The following PCDHGB4 variants were observed in gnomAD, a reference collection of about 807,000 sequenced individuals.
PCDHGB4 encodes the protein protocadherin gamma-B4.
PCDHGB4 carries 38 observed loss-of-function variants against 60.5 expected under a neutral mutation model. That is an observed-to-expected ratio of 0.63 (90% CI 0.48 to 0.82). The LOEUF (loss-of-function observed/expected upper bound fraction) is 0.82. Among genes scored for constraint, PCDHGB4 ranks in the 40% least tolerant of loss-of-function variants. The pLI, the probability that PCDHGB4 is intolerant of heterozygous loss-of-function variation, is 0.00. For synonymous variants in PCDHGB4, 456 were observed against 509.7 expected (o/e 0.89, Z 1.42); for missense variants, 1,109 against 1,209.6 (o/e 0.92, Z 1.23).
At chr5:141,401,728 T>G (rs1476616709) in intron 1 of PCDHGB4, among the ~76,000 whole-genome samples, 2 of 152,174 alleles carry the variant, frequency 1.3e-5, no homozygotes, top group Non-Finnish European at 2.9e-5. Context: ...AAACTACTAG[T>G]CTTGTGTACA....
Position 141,493,836 on chromosome 5 carries a change from A to G in PCDHGB4, c.2398-971A>G, listed in dbSNP as rs1411929024. Among the ~76,000 whole-genome samples the G allele has an allele frequency of 6.6e-6, 1 of 152,194 alleles. No individual in the cohort carries two copies. Among genetic ancestry groups the G allele is most frequent in the Non-Finnish European group, 1.5e-5 (1 of 68,038 alleles). On this transcript the variant is annotated intron_variant, in intron 1 of 3. Transcript: ENST00000519479. This position sits in a 1 kb window ranked among gnomAD's most constrained non-coding sequence, Gnocchi z 4.3. ...ACACTCTCTGCTTCTGGGAGCAAGT[A>G]TGAGTATTAATTACCAGCCCACCCC...
intron 1 of PCDHGB4, chr5:141,414,780 G>A (rs2095787223): frequency 1.2e-6 from 2 of 1,614,232 alleles, no homozygotes; most frequent in Non-Finnish European, 1.7e-6. Context: ...TACAGATGCA[G>A]GTGACAGCCA....
chr5:141,478,726 G>A, intron 1 of PCDHGB4: 2 of 1,540,996 alleles, frequency 1.3e-6, no homozygotes, highest in Non-Finnish European at 1.8e-6. Context: ...GCCTGCCAGA[G>A]TGTGGTTTGT....
intron 1 of PCDHGB4, chr5:141,426,927 A>G (rs1480193041): frequency 2.2e-6 from 1 of 456,634 alleles, no homozygotes; most frequent in African/African-American, 2.0e-5. Flanking sequence ...AGCAATGGAC[A>G]TGGGTGACCC....
At chr5:141,478,850 A>T in intron 1 of PCDHGB4, 1 of 1,376,726 alleles carries the variant, frequency 7.3e-7, no homozygotes, top group South Asian at 1.5e-5. Context: ...AAGCTAAAAC[A>T]CAAGATCTCA....
intron 1 of PCDHGB4, chr5:141,398,933 A>C: frequency 1.2e-6 from 2 of 1,614,010 alleles, no homozygotes; most frequent in Non-Finnish European, 1.7e-6. Context: ...GCCACTGACC[A>C]AGACGAGGGC....
At chr5:141,393,718 C>A in intron 1 of PCDHGB4, 2 of 1,613,644 alleles carry the variant, frequency 1.2e-6, no homozygotes, top group Non-Finnish European at 1.7e-6. Flanking sequence ...GGGGAAATAT[C>A]AATAGCAAAA....
Position 141,489,779 on chromosome 5 carries a change from T to C in PCDHGB4, c.2398-5028T>C, listed in dbSNP as rs1269302289. 1.9e-6 allele frequency: 3 copies of C among 1,614,168 alleles called. No homozygotes were observed. Among genetic ancestry groups the C allele is most frequent in the Non-Finnish European group, 2.5e-6 (3 of 1,179,996 alleles). On this transcript the variant is annotated intron_variant, in intron 1 of 3. Coordinates refer to ENST00000519479, the MANE Select transcript of PCDHGB4 (RefSeq NM_003736.4). The surrounding 1 kb of genome is among the most constrained non-coding windows in gnomAD (Gnocchi z 4.5). ...CTAAGCCCCAACAGCCACTTCTCTC[T>C]GAATGTGAAGACCCTAAAAGATGGG...
rs145288114 is a variant in PCDHGB4 at position 141,477,334 on chromosome 5, C to T, written c.2398-17473C>T. On this transcript the variant is annotated intron_variant, in intron 1 of 3. Coordinates refer to ENST00000519479, the MANE Select transcript of PCDHGB4 (RefSeq NM_003736.4). This position sits in a 1 kb window ranked among gnomAD's most constrained non-coding sequence, Gnocchi z 4.9. ...GCCTTACTTCTTCCCTCAAGAATTA[C>T]TTCACTTTGAAAACCAGTGCAGACC... is the stretch of plus-strand genomic sequence containing the variant. 1.3e-4 allele frequency: 215 copies of T among 1,614,074 alleles called. No homozygotes were observed. Among genetic ancestry groups the T allele is most frequent in the Non-Finnish European group, 1.8e-4 (210 of 1,180,044 alleles).
rs1224625072 is a variant in PCDHGB4 at position 141,490,972 on chromosome 5, C to A, written c.2398-3835C>A. On this transcript the variant is annotated intron_variant, in intron 1 of 3. Transcript: ENST00000519479. The surrounding 1 kb of genome is among the most constrained non-coding windows in gnomAD (Gnocchi z 5.4). ...AGACTGGGAACACTCAGCCCCCCAG[C>A]GTCTCCCTCGCTCTGCTCCTCCTGG... is the stretch of plus-strand genomic sequence containing the variant. 2 of 1,613,912 alleles carry A rather than the reference C, an allele frequency of 1.2e-6. No individual in the cohort carries two copies. Among genetic ancestry groups the A allele is most frequent in the Non-Finnish European group, 1.7e-6 (2 of 1,179,922 alleles).
chr5:141,468,549 C>T (rs1289802190), intron 1 of PCDHGB4: 2 of 151,940 alleles, frequency 1.3e-5, no homozygotes, highest in Non-Finnish European at 2.9e-5. Flanking sequence ...ACATATTTAA[C>T]ATTTGTGATA....
Position 141,389,726 on chromosome 5 carries a change from C to A in PCDHGB4, c.1842C>A (p.Leu614=). ...YHVLQASEPG[L]FSLGLRTGEV... is the part of the protein sequence containing the mutation. The stretch of plus-strand genomic sequence containing the variant: ...TGCTGCAGGCTAGCGAGCCCGGGCT[C>A]TTCAGCCTGGGGCTGCGCACGGGCG... The change falls in exon 1 of 4, where the codon CTC becomes CTA. Residue 614 remains leucine, a synonymous_variant. Coordinates refer to ENST00000519479, the MANE Select transcript of PCDHGB4 (RefSeq NM_003736.4). 1 of 1,612,720 alleles carries A rather than the reference C, an allele frequency of 6.2e-7. No homozygotes were observed. The highest frequency in any genetic ancestry group is 1.1e-5 in the South Asian group (1 of 91,048).
At position 141,390,043 on chromosome 5, in the gene PCDHGB4, C is replaced by A. The variant is rs1022492557; in HGVS notation, c.2159C>A (p.Ala720Asp). ...ALRLRRSSSPASWSCFQPGLC... is the reference protein window; with the variant it reads ...ALRLRRSSSPDSWSCFQPGLC... ...CGCCTGCGACGCTCCTCCAGCCCCG[C>A]CTCCTGGAGCTGCTTCCAGCCTGGT... Residue 720 changes from alanine (A) to aspartate (D), a missense_variant, in exon 1 of 4, where the codon GCC becomes GAC. By Grantham distance (126) the Ala-to-Asp change is moderately radical. Around this residue, in one of 2 missense-constraint regions of PCDHGB4, gnomAD observed 1,068 missense variants for 1,089.9 expected, o/e 0.98. Coordinates refer to ENST00000519479, the MANE Select transcript of PCDHGB4 (RefSeq NM_003736.4). The A allele has an allele frequency of 1.9e-6, 3 of 1,613,946 alleles. No homozygotes were observed. The highest frequency in any genetic ancestry group is 2.5e-6 in the Non-Finnish European group (3 of 1,179,918).
In PCDHGB4 at chr5:141,404,779, C is replaced by T. The variant is rs779433248; in HGVS notation, c.2397+14498C>T. 8.1e-6 allele frequency: 13 copies of T among 1,613,628 alleles called. No individual in the cohort carries two copies. In the Admixed American group the frequency reaches 1.5e-4, roughly 19 times the overall value. ...ATGCTTGGCTCTCCTACCGCCTATT[C>T]AAGGCCAGTGAGCCAGGGCTCTTCT... On this transcript the variant is annotated intron_variant, in intron 1 of 3. Coordinates refer to ENST00000519479, the MANE Select transcript of PCDHGB4 (RefSeq NM_003736.4).
intron 1 of PCDHGB4, among the ~76,000 whole-genome samples, chr5:141,462,493 A>G (rs1432919197): frequency 2.0e-5 from 3 of 152,144 alleles, no homozygotes; most frequent in South Asian, 4.1e-4. Context: ...GTTGTATCCT[A>G]TAATTGTCAA....
At chr5:141,408,070 T>C (rs1413400462) in intron 1 of PCDHGB4, 3 of 1,381,930 alleles carry the variant, frequency 2.2e-6, no homozygotes, top group Non-Finnish European at 2.9e-6. Context: ...TGCGCAGACC[T>C]TTCCCAGCAC....
chr5:141,476,483 G>A lies in PCDHGB4; in HGVS notation c.2398-18324G>A. On this transcript the variant is annotated intron_variant, in intron 1 of 3. Coordinates refer to ENST00000519479, the MANE Select transcript of PCDHGB4 (RefSeq NM_003736.4). The surrounding 1 kb of genome is among the most constrained non-coding windows in gnomAD (Gnocchi z 7.6). The stretch of plus-strand genomic sequence containing the variant: ...CCCGCTGGAGCTGTTCAGCGTGGAA[G>A]TGGTGATCCAGGACATCAACGACAA... The A allele has an allele frequency of 3.1e-6, 5 of 1,614,166 alleles. No individual in the cohort carries two copies. Among genetic ancestry groups the A allele is most frequent in the Non-Finnish European group, 4.2e-6 (5 of 1,180,034 alleles).
chr5:141,464,389 A>G (rs2099082481), intron 1 of PCDHGB4, among the ~76,000 whole-genome samples: 1 of 151,766 alleles, frequency 6.6e-6, no homozygotes, highest in Non-Finnish European at 1.5e-5. Flanking sequence ...AAAAATGCTA[A>G]TGAAGAACCT....
chr5:141,475,248 C>T (rs1400887912), intron 1 of PCDHGB4, among the ~76,000 whole-genome samples: 2 of 152,166 alleles, frequency 1.3e-5, no homozygotes, highest in African/African-American at 4.8e-5. Context: ...AGAGTGTGCT[C>T]TACAACTGAG....
Sources: allele counts gnomAD v4.1 joint callset (sites outside exome capture counted in the v4.1 genomes callset), GRCh38; gene constraint gnomAD v4.1.1; regional missense constraint gnomAD v4.1.1; non-coding constraint Gnocchi (gnomAD v3.1); transcripts MANE v1.5; gene names NCBI Gene and HGNC (gene_info 2026-07-23, HGNC 2026-07-21).